The following STRN3 variants were observed in gnomAD, a reference collection of about 807,000 sequenced individuals.
STRN3 encodes the protein striatin 3, also known as striatin-3.
In STRN3, 29 loss-of-function variants were observed where a neutral mutation model predicts 95.6. The ratio of observed to expected loss-of-function variants is 0.30; its 90% CI spans 0.23 to 0.41. STRN3 has a LOEUF of 0.41. STRN3 is among the 10% of genes least tolerant of loss of function. The pLI is 1.00. For missense variants in STRN3, 890 were observed against 972.1 expected (o/e 0.92, Z 1.12); for synonymous variants, 331 against 357.6 (o/e 0.93, Z 0.84).
Position 30,995,395 on chromosome 14 carries a change from G to T in STRN3, c.282+30509C>A, listed in dbSNP as rs191488243. Among the ~76,000 whole-genome samples, 7 of 152,096 alleles carry T rather than the reference G, an allele frequency of 4.6e-5. No homozygotes were observed. In the East Asian group the frequency reaches 1.3e-3, roughly 29 times the overall value. On this transcript the variant is annotated intron_variant, in intron 1 of 17. Transcript: ENST00000357479. ...AAGGACACTAGCCTGGGAGTTTAGA[G>T]ACTTACATTCTAATCCTTCCTTGTC...
At chr14:30,923,910 TTA>T (rs1267951261) in intron 8 of STRN3, among the ~76,000 whole-genome samples, 9 of 152,214 alleles carry the variant, frequency 5.9e-5, no homozygotes, top group East Asian at 1.9e-4. Flanking sequence ...AATCATTGAT[TTA>T]TATGTTTTTA....
At chr14:30,936,159 G>C (rs969516185) in intron 6 of STRN3, among the ~76,000 whole-genome samples, 1 of 152,198 alleles carries the variant, frequency 6.6e-6, no homozygotes, top group African/African-American at 2.4e-5. Flanking sequence ...TGCAACTTCA[G>C]TTAATTTATC....
At chr14:30,992,031 T>C (rs1881979939) in intron 1 of STRN3, among the ~76,000 whole-genome samples, 1 of 152,146 alleles carries the variant, frequency 6.6e-6, no homozygotes, top group African/African-American at 2.4e-5. Context: ...ACAATTCTTT[T>C]TGGACATTCT....
At chr14:30,902,104 G>A (rs1367287605) in intron 16 of STRN3, among the ~76,000 whole-genome samples, 1 of 133,428 alleles carries the variant, frequency 7.5e-6, no homozygotes, top group Non-Finnish European at 1.5e-5. Context: ...TCAAGAGGCC[G>A]AGATTGCAGT....
intron 1 of STRN3, among the ~76,000 whole-genome samples, chr14:30,980,500 C>T (rs556410281): frequency 5.3e-5 from 8 of 151,934 alleles, no homozygotes; most frequent in Admixed American, 3.3e-4. Context: ...CTCTGCCTCC[C>T]GGGTTCAAGC....
At chr14:30,919,200 T>G in intron 8 of STRN3, 94 bp from the exon 9 acceptor site, 1 of 1,268,686 alleles carries the variant, frequency 7.9e-7, no homozygotes, top group Non-Finnish European at 1.1e-6. Context: ...AAACAGACTA[T>G]TAAGAAGTCC....
Position 30,996,643 on chromosome 14 carries a change from G to A in STRN3, c.282+29261C>T, listed in dbSNP as rs1177214801. Among the ~76,000 whole-genome samples the A allele has an allele frequency of 2.6e-5, 4 of 152,144 alleles. No individual in the cohort carries two copies. The East Asian group carries it at 5.8e-4, about 22-fold the overall frequency. ...AGCACTTTGGGAGGCCAAGGCGGGTGGATCACGAGGTCAGGAGATCAAGAC... is the reference window on the plus strand; with the variant it reads ...AGCACTTTGGGAGGCCAAGGCGGGTAGATCACGAGGTCAGGAGATCAAGAC... On this transcript the variant is annotated intron_variant, in intron 1 of 17. Coordinates refer to ENST00000357479, the MANE Select transcript of STRN3 (RefSeq NM_001083893.2).
At chr14:30,975,730 A>G (rs1360861424) in intron 1 of STRN3, among the ~76,000 whole-genome samples, 1 of 151,564 alleles carries the variant, frequency 6.6e-6, no homozygotes, top group African/African-American at 2.4e-5. Flanking sequence ...CTATCTGGGA[A>G]GCTGATGTGA....
chr14:30,906,882 T>C lies in STRN3; in HGVS notation c.1883A>G (p.Asp628Gly), dbSNP rs1044403119. ...CAGATGCAAAATTTACTTACTTTTA[T>C]CTCCATTGTAAGTGCAAATACATGG... is the stretch of plus-strand genomic sequence containing the variant. ...KLPCICTYNGDKKHGIPTSVD... is the reference protein window; with the variant it reads ...KLPCICTYNGGKKHGIPTSVD... Residue 628 changes from aspartate (D) to glycine (G), a missense_variant, in exon 14 of 18, where the codon GAT (aspartate) becomes GGT (glycine). Transcript: ENST00000357479. 2 of 1,603,596 alleles carry C rather than the reference T, an allele frequency of 1.2e-6. No individual in the cohort carries two copies. Among genetic ancestry groups the C allele is most frequent in the Admixed American group, 3.5e-5 (2 of 57,242 alleles).
chr14:30,929,954 C>CAAAAAAAAAAAAAAAAAAAAAAAAAAA lies in STRN3; in HGVS notation c.989-644_989-643insTTTTTTTTTTTTTTTTTTTTTTTTTTT, dbSNP rs1191963792. On this transcript the variant is annotated intron_variant, in intron 7 of 17. Coordinates refer to ENST00000357479, the MANE Select transcript of STRN3 (RefSeq NM_001083893.2). ...TCCATTGGTCTACAACTAAGATTAG[C>CAAAAAAAAAAAAAAAAAAAAAAAAAAA]AAAAAAAAAAAAAAAAAAAAAAAAA... Among the ~76,000 whole-genome samples the CAAAAAAAAAAAAAAAAAAAAAAAAAAA allele has an allele frequency of 5.3e-4, 21 of 39,998 alleles. 4 individuals carry two copies. Among genetic ancestry groups the CAAAAAAAAAAAAAAAAAAAAAAAAAAA allele is most frequent in the African/African-American group, 8.7e-4 (7 of 8,062 alleles). The allele number at this position is 39,998 out of a possible 152,430, so 26.2% of individuals were successfully genotyped here.
chr14:30,910,635 C>T (rs916549549), intron 13 of STRN3, among the ~76,000 whole-genome samples: 45 of 150,100 alleles, frequency 3.0e-4, no homozygotes, highest in Non-Finnish European at 1.5e-4. Flanking sequence ...CTAAGAATAA[C>T]AAAAAAAATT....
chr14:30,951,293 T>C (rs528141001), intron 3 of STRN3, among the ~76,000 whole-genome samples: 145 of 152,224 alleles, frequency 9.5e-4, no homozygotes, highest in Non-Finnish European at 1.8e-3. Context: ...TGGAGTACAG[T>C]GGCACCATCT....
chr14:30,971,909 T>C (rs1348601607), intron 1 of STRN3, among the ~76,000 whole-genome samples: 1 of 152,150 alleles, frequency 6.6e-6, no homozygotes, highest in Non-Finnish European at 1.5e-5. Flanking sequence ...AAAAATGGCA[T>C]TTACTAAAAC....
At chr14:30,997,216 G>A (rs371637097) in intron 1 of STRN3, among the ~76,000 whole-genome samples, 31 of 152,222 alleles carry the variant, frequency 2.0e-4, no homozygotes, top group African/African-American at 6.5e-4. Context: ...ATGGGAGGGG[G>A]ACATGAGCAG....
At chr14:30,945,972 ATT>A (rs966477745) in intron 5 of STRN3, among the ~76,000 whole-genome samples, 14 of 152,224 alleles carry the variant, frequency 9.2e-5, no homozygotes, top group Non-Finnish European at 1.0e-4. Context: ...ATTAAATCGT[ATT>A]TTTTTAATGG....
chr14:30,995,184 G>A (rs1049072501), intron 1 of STRN3, among the ~76,000 whole-genome samples: 4 of 152,066 alleles, frequency 2.6e-5, no homozygotes, highest in Non-Finnish European at 4.4e-5. Flanking sequence ...CATCTTCCAC[G>A]AAAGTTAAAA....
intron 1 of STRN3, among the ~76,000 whole-genome samples, chr14:30,968,154 G>A (rs990040531): frequency 6.6e-6 from 1 of 151,952 alleles, no homozygotes; most frequent in African/African-American, 2.4e-5. Context: ...AACTTAAAAG[G>A]TTTTCAACAA....
intron 1 of STRN3, among the ~76,000 whole-genome samples, chr14:30,983,250 A>G (rs930880403): frequency 6.6e-6 from 1 of 152,180 alleles, no homozygotes; most frequent in African/African-American, 2.4e-5. Context: ...AAATTACCTT[A>G]ACATAAGGCA....
chr14:30,977,590 C>T (rs1293362015), intron 1 of STRN3, among the ~76,000 whole-genome samples: 3 of 151,020 alleles, frequency 2.0e-5, no homozygotes, highest in Non-Finnish European at 4.4e-5. Context: ...TCAAGACCAG[C>T]CTGGACAACA....
Sources: gnomAD v4.1 joint callset for allele counts (sites outside exome capture counted in the v4.1 genomes callset) on GRCh38, gnomAD v4.1.1 for gene constraint, MANE v1.5 for transcripts, NCBI Gene and HGNC (gene_info 2026-07-23, HGNC 2026-07-21) for gene names.